FAM47E: variants seen among roughly 807,000 people sequenced by gnomAD.
FAM47E encodes the protein family with sequence similarity 47 member E, also known as protein FAM47E.
Under a neutral mutation model 41.6 loss-of-function variants are expected in FAM47E, and 32 were observed. The observed-to-expected ratio is 0.77, with a 90% CI of 0.58 to 1.03. The LOEUF (loss-of-function observed/expected upper bound fraction) is 1.03, where lower values mean the gene tolerates loss of function less well. Among genes scored for constraint, FAM47E ranks in the 50% least tolerant of loss-of-function variants. The probability of loss-of-function intolerance (pLI) is 0.00; values close to 1 mark genes in which losing one functional copy is unlikely to be tolerated. For synonymous variants in FAM47E, 184 were observed against 188.7 expected (o/e 0.98, Z 0.20); for missense variants, 424 against 485.4 (o/e 0.87, Z 1.19).
chr4:76,232,456 T>C (rs1733510021), intron 2 of FAM47E, among the ~76,000 whole-genome samples: 1 of 152,198 alleles, frequency 6.6e-6, no homozygotes, highest in African/African-American at 2.4e-5. Context: ...TGTCTCTGAA[T>C]AGCAAAAATG....
At chr4:76,264,719 C>T (rs1481809455) in intron 3 of FAM47E, among the ~76,000 whole-genome samples, 3 of 152,090 alleles carry the variant, frequency 2.0e-5, no homozygotes, top group Non-Finnish European at 4.4e-5. Flanking sequence ...CATCAGCCTC[C>T]CATGTAACTG....
intron 7 of FAM47E, chr4:76,282,564 G>A (rs1019009102): frequency 5.9e-5 from 9 of 152,162 alleles, no homozygotes; most frequent in African/African-American, 1.9e-4. Flanking sequence ...ACCTGGCATT[G>A]TCTTTACACA....
chr4:76,278,591 A>G, intron 6 of FAM47E: 1 of 293,286 alleles, frequency 3.4e-6, no homozygotes, highest in Non-Finnish European at 6.3e-6. Flanking sequence ...GGGTAACAAA[A>G]TGTGAAGCTT....
intron 2 of FAM47E, among the ~76,000 whole-genome samples, chr4:76,220,779 G>GT (rs1733293041): frequency 6.6e-6 from 1 of 152,162 alleles, no homozygotes; most frequent in Non-Finnish European, 1.5e-5. Context: ...AGTTCTGGCA[G>GT]TTTTTTACCC....
chr4:76,262,678 T>A (rs1401144446), intron 2 of FAM47E, among the ~76,000 whole-genome samples: 1 of 152,218 alleles, frequency 6.6e-6, no homozygotes, highest in Admixed American at 6.5e-5. Context: ...TCCTTTTTTG[T>A]TCATCTGTAT....
At chr4:76,236,579 G>C (rs1733589588) in intron 2 of FAM47E, 1 of 149,348 alleles carries the variant, frequency 6.7e-6, no homozygotes, top group African/African-American at 2.5e-5. Flanking sequence ...ATTTTAGGGA[G>C]ACATTTACAC....
At chr4:76,268,561 A>G (rs1204023256) in intron 3 of FAM47E, 99 bp from the exon 4 acceptor site, 3 of 1,258,340 alleles carry the variant, frequency 2.4e-6, no homozygotes, top group Admixed American at 5.8e-5. Context: ...ACTGTTAGAA[A>G]TACTTGCTTT....
At position 76,237,893 on chromosome 4, in the gene FAM47E, C is replaced by T. The variant is rs115031000; in HGVS notation, c.81+20205C>T. On this transcript the variant is annotated intron_variant, in intron 2 of 7. Transcript: ENST00000510197. ...CTAAATCATTCCTGAGAAATCCACC[C>T]CCGTGATCCAATCACCTCCCATCAG... 3.2e-3 allele frequency among the ~76,000 whole-genome samples: 489 copies of T among 152,326 alleles called. 2 individuals are homozygous for T. Among genetic ancestry groups the T allele is most frequent in the African/African-American group, 0.011 (459 of 41,572 alleles).
intron 2 of FAM47E, among the ~76,000 whole-genome samples, chr4:76,230,272 C>T (rs1269809577): frequency 6.6e-6 from 1 of 152,036 alleles, no homozygotes; most frequent in Non-Finnish European, 1.5e-5. Context: ...GGATTATGGC[C>T]ACCTCTCTCA....
chr4:76,221,112 C>A (rs1209536466), intron 2 of FAM47E, among the ~76,000 whole-genome samples: 1 of 152,146 alleles, frequency 6.6e-6, no homozygotes. Context: ...CCCTTATGAA[C>A]AAGGCCACTT....
At chr4:76,214,071 C>T in exon 1 of FAM47E, 1 of 348,754 alleles carries the variant, frequency 2.9e-6, no homozygotes, top group Non-Finnish European at 5.7e-6. Context: ...AGCGCTCGCC[C>T]CACCGAAATT....
chr4:76,242,560 A>C (rs1002952187), intron 2 of FAM47E, among the ~76,000 whole-genome samples: 1 of 152,184 alleles, frequency 6.6e-6, no homozygotes, highest in African/African-American at 2.4e-5. Flanking sequence ...TTGAGCCAAT[A>C]TTCCTTGAGT....
At chr4:76,263,291 A>G (rs1734496646) in intron 2 of FAM47E, among the ~76,000 whole-genome samples, 1 of 152,172 alleles carries the variant, frequency 6.6e-6, no homozygotes, top group Admixed American at 6.5e-5. Context: ...AAAACTATGT[A>G]TATTGTTATT....
chr4:76,278,242 G>T lies in FAM47E; in HGVS notation c.1026+18G>T. On this transcript the variant is annotated intron_variant, in intron 6 of 7. Coordinates refer to ENST00000424749, the MANE Select transcript of FAM47E (RefSeq NM_001136570.3). ...AGGAACAGGTATGTATTTATACTGAGATTTGATCATCTGAGCTTCAGATGA... is the reference window on the plus strand; with the variant it reads ...AGGAACAGGTATGTATTTATACTGATATTTGATCATCTGAGCTTCAGATGA... 1 of 1,503,010 alleles carries T rather than the reference G, an allele frequency of 6.7e-7. No homozygotes were observed. The highest frequency in any genetic ancestry group is 8.9e-7 in the Non-Finnish European group (1 of 1,128,656). 93.1% of individuals were successfully genotyped at this position (1,503,010 alleles called of 1,614,324 possible). A position where few individuals can be genotyped will look rare whatever the true frequency, so the allele number is the denominator to read the frequency against.
At chr4:76,214,359 G>A (rs866676793) in exon 1 of FAM47E, 7 of 450,538 alleles carry the variant, frequency 1.6e-5, no homozygotes, top group African/African-American at 1.4e-4. Context: ...GTCACGTAAG[G>A]GGCATGTGCA....
At chr4:76,235,478 A>C (rs1733571207) in intron 2 of FAM47E, among the ~76,000 whole-genome samples, 1 of 152,188 alleles carries the variant, frequency 6.6e-6, no homozygotes, top group Non-Finnish European at 1.5e-5. Flanking sequence ...GGCACTCTCC[A>C]TATTTTACCT....
chr4:76,256,450 AG>A lies in FAM47E; in HGVS notation c.349del (p.Asp117ThrfsTer6). 1 of 1,551,952 alleles carries A rather than the reference AG, an allele frequency of 6.4e-7. No homozygotes were observed. Among genetic ancestry groups the A allele is most frequent in the Non-Finnish European group, 8.7e-7 (1 of 1,147,206 alleles). On this transcript the variant is annotated frameshift_variant, in exon 2 of 8. Coordinates refer to ENST00000424749, the MANE Select transcript of FAM47E (RefSeq NM_001136570.3). LOFTEE classifies it high-confidence loss of function. The stretch of plus-strand genomic sequence containing the variant: ...CAGCAGGCTCGGAAGGCATTCCTGG[AG>A]GACGTGGAGGCCCACCTGACCCCAC... ...PAQQARKAFL[E>X]DVEAHLTPHP...
At chr4:76,241,304 C>G (rs1043525052) in intron 2 of FAM47E, among the ~76,000 whole-genome samples, 1 of 152,110 alleles carries the variant, frequency 6.6e-6, no homozygotes, top group African/African-American at 2.4e-5. Context: ...GAAAAAGGCT[C>G]ATCGTTTAAA....
upstream of FAM47E, chr4:76,251,582 C>T: frequency 7.7e-7 from 1 of 1,293,744 alleles, no homozygotes; most frequent in Admixed American, 4.1e-5. Flanking sequence ...GGTCCACGTC[C>T]CCAGGCGTCG....
Sources: gnomAD v4.1 joint callset for allele counts (sites outside exome capture counted in the v4.1 genomes callset) on GRCh38, gnomAD v4.1.1 for gene constraint, MANE v1.5 for transcripts, NCBI Gene and HGNC (gene_info 2026-07-23, HGNC 2026-07-21) for gene names.